The following PRR22 variants were observed in gnomAD, a reference collection of about 807,000 sequenced individuals.
PRR22 encodes proline-rich protein 22.
A neutral mutation model predicts 7.2 loss-of-function variants in PRR22; 5 were observed. The ratio of observed to expected loss-of-function variants is 0.69; its 90% CI spans 0.36 to 1.45. PRR22 has a LOEUF of 1.45. PRR22 is among the 40% of genes most tolerant of loss of function. The pLI, the probability that PRR22 is intolerant of heterozygous loss-of-function variation, is 0.03. For synonymous variants in PRR22, 319 were observed against 269.3 expected (o/e 1.18, Z -1.81); for missense variants, 619 against 568.8 (o/e 1.09, Z -0.90).
At chr19:5,784,156 G>T in intron 2 of PRR22, 103 bp from the exon 3 acceptor site, 3 of 1,231,212 alleles carry the variant, frequency 2.4e-6, no homozygotes, top group Non-Finnish European at 3.6e-6. Flanking sequence ...TTGCCATTGG[G>T]GGGCCCCTTT....
rs1304462191 is a variant in PRR22, at chr19:5,783,581, A to G, written c.666T>C (p.Pro222=). The change falls in exon 3 of 3, where the codon CCT becomes CCC. Residue 222 remains proline, a synonymous_variant. Transcript: ENST00000419421. ...CGGGGAAGGCCAGGGGTTCGGGCCCAGGGAAGTGGCCGAGGTGACCCTGGA... is the reference window on the plus strand; with the variant it reads ...CGGGGAAGGCCAGGGGTTCGGGCCCGGGGAAGTGGCCGAGGTGACCCTGGA... ...SHLQGHLGHF[P]GPEPLAFPVK... is the part of the protein sequence containing the mutation. 1 of 1,603,746 alleles carries G rather than the reference A, an allele frequency of 6.2e-7. No individual in the cohort carries two copies.
Position 5,784,464 on chromosome 19 carries a change from G to T in PRR22, c.131-25C>A, listed in dbSNP as rs763885995. 1.4e-5 allele frequency: 21 copies of T among 1,552,318 alleles called. No individual in the cohort carries two copies. In the African/African-American group the frequency reaches 2.5e-4, roughly 18 times the overall value. On this transcript the variant is annotated intron_variant, in intron 1 of 2. Transcript: ENST00000419421. ...CCTGTGGACAAAGGTGCCCAGGTGG[G>T]TAGGGCCCTTAGGCGGGTGGGCCCC...
Position 5,783,852 on chromosome 19 carries a change from T to TG in PRR22, c.394dup (p.His132ProfsTer19), listed in dbSNP as rs1568383543. 4 of 1,556,930 alleles carry TG rather than the reference T, an allele frequency of 2.6e-6. No homozygotes were observed. The highest frequency in any genetic ancestry group is 2.6e-6 in the Non-Finnish European group (3 of 1,151,120). On this transcript the variant is annotated frameshift_variant, in exon 3 of 3. Transcript: ENST00000419421. LOFTEE classifies it low-confidence loss of function (END_TRUNC). ...GGGCCCCCCGGGTGCCTGCTGGTAG[T>TG]GGGGGTATGGAGGCAGCCCCGGGGC...
chr19:5,784,155 G>C, intron 2 of PRR22, 102 bp from the exon 3 acceptor site: 1 of 1,227,812 alleles, frequency 8.1e-7, no homozygotes, highest in Non-Finnish European at 1.2e-6. Context: ...CTTGCCATTG[G>C]GGGGCCCCTT....
At position 5,783,651 on chromosome 19, in the gene PRR22, G is replaced by A. The variant is rs745978513; in HGVS notation, c.596C>T (p.Thr199Met). 29 of 1,592,744 alleles carry A rather than the reference G, an allele frequency of 1.8e-5. No individual in the cohort carries two copies. Among genetic ancestry groups the A allele is most frequent in the African/African-American group, 1.2e-4 (9 of 73,804 alleles). ...KENKPPPVLI[T>M]LPAEPTLPPD... The stretch of plus-strand genomic sequence containing the variant: ...GGGCAGTGTGGGCTCTGCAGGCAGC[G>A]TGATGAGTACAGGGGGCGGCTTGTT... The change falls in exon 3 of 3, where the codon ACG becomes ATG. Residue 199 changes from threonine (T) to methionine (M), a missense_variant. Transcript: ENST00000419421.
In PRR22 at chr19:5,784,514, C is replaced by T. The variant is rs2056821074; in HGVS notation, c.130+17G>A. 6.5e-7 allele frequency: 1 copy of T among 1,550,138 alleles called. No homozygotes were observed. Among genetic ancestry groups the T allele is most frequent in the Non-Finnish European group, 8.7e-7 (1 of 1,146,696 alleles). On this transcript the variant is annotated intron_variant, in intron 1 of 2. Transcript: ENST00000419421. Reference sequence around the variant, plus strand: ...CTGAACCCTCTCCAGCAGGTGCTCCCACCCACCCGATCGTACCCATAGCGG... The same window carrying T: ...CTGAACCCTCTCCAGCAGGTGCTCCTACCCACCCGATCGTACCCATAGCGG...
chr19:5,783,622 CT>C lies in PRR22; in HGVS notation c.624del (p.Asp209ThrfsTer82), dbSNP rs757048671. ...ITLPAEPTLPPDAYSHLQGHL... is the reference protein window; with the variant it reads ...ITLPAEPTLPXDAYSHLQGHL... ...TGACCCTGGAGGTGGCTGTAGGCGT[CT>C]GGGGGCAGTGTGGGCTCTGCAGGCA... is the stretch of plus-strand genomic sequence containing the variant. On this transcript the variant is annotated frameshift_variant, in exon 3 of 3. Transcript: ENST00000419421. LOFTEE classifies it low-confidence loss of function (END_TRUNC). 3.4e-5 allele frequency: 55 copies of C among 1,596,722 alleles called. No homozygotes were observed. The highest frequency in any genetic ancestry group is 1.1e-5 in the South Asian group (1 of 89,982).
chr19:5,784,230 T>C lies in PRR22; in HGVS notation c.193+147A>G, dbSNP rs1322535198. The C allele has an allele frequency of 2.8e-6, 3 of 1,079,352 alleles. No individual in the cohort carries two copies. In the South Asian group the frequency reaches 3.8e-5, roughly 14 times the overall value. The allele number at this position is 1,079,352 out of a possible 1,614,324, so 66.9% of individuals were successfully genotyped here. A position where few individuals can be genotyped will look rare whatever the true frequency, so the allele number is the denominator to read the frequency against. On this transcript the variant is annotated intron_variant, in intron 2 of 2. Coordinates refer to ENST00000419421, the MANE Select transcript of PRR22 (RefSeq NM_001134316.2). ...GTGATGGATGACACAGAGCTTGTCT[T>C]TGGGGCTCATCTGGGGGACCTGTGT...
Position 5,783,183 on chromosome 19 carries a change from A to T in PRR22, c.1064T>A (p.Phe355Tyr), listed in dbSNP as rs776239985. Residue 355 changes from phenylalanine to tyrosine, a missense_variant, in exon 3 of 3, where the codon TTC (phenylalanine) becomes TAC (tyrosine). By Grantham distance (22) the Phe-to-Tyr change is conservative. Coordinates refer to ENST00000419421, the MANE Select transcript of PRR22 (RefSeq NM_001134316.2). ...ILDTVSNVDYFFNFKALDEEQ... is the reference protein window; with the variant it reads ...ILDTVSNVDYYFNFKALDEEQ... ...CTCGTCGAGCGCCTTGAAGTTGAAG[A>T]AGTAGTCAACGTTGGACACGGTGTC... 2.5e-5 allele frequency: 40 copies of T among 1,612,632 alleles called. No homozygotes were observed. Among genetic ancestry groups the T allele is most frequent in the East Asian group, 2.5e-4 (11 of 44,848 alleles).
chr19:5,782,988 G>A lies in PRR22; in HGVS notation c.1259C>T (p.Thr420Ile). The change falls in exon 3 of 3, where the codon ACC becomes ATC. Residue 420 changes from threonine (T) to isoleucine (I), a missense_variant. Transcript: ENST00000419421. ...AAGGTCAAATGTGCTTTAATGCGGG[G>A]TGGCTCCCAGGTCCTCCCTGGGCCC... is the stretch of plus-strand genomic sequence containing the variant. ...PPGPREDLGA[T>I]PH 1 of 1,522,482 alleles carries A rather than the reference G, an allele frequency of 6.6e-7. No homozygotes were observed. Among genetic ancestry groups the A allele is most frequent in the Non-Finnish European group, 8.8e-7 (1 of 1,139,392 alleles). 94.3% of individuals were successfully genotyped at this position (1,522,482 alleles called of 1,614,324 possible). A position where few individuals can be genotyped will look rare whatever the true frequency, so the allele number is the denominator to read the frequency against.
In PRR22 at chr19:5,783,753, G is replaced by T. The variant is rs1311479669; in HGVS notation, c.494C>A (p.Pro165His). The T allele has an allele frequency of 1.3e-6, 2 of 1,488,260 alleles. No homozygotes were observed. The highest frequency in any genetic ancestry group is 2.7e-5 in the South Asian group (2 of 72,884). 92.2% of individuals were successfully genotyped at this position (1,488,260 alleles called of 1,614,324 possible). A position where few individuals can be genotyped will look rare whatever the true frequency, so the allele number is the denominator to read the frequency against. ...EALGFVGDAG[P>H]AAFVELPLPP... ...TAGGGGCAGCTCCACGAAGGCGGCG[G>T]GCCCTGCGTCCCCCACAAAACCCAG... Residue 165 changes from proline to histidine, a missense_variant, in exon 3 of 3, where the codon CCC (proline) becomes CAC (histidine). Physicochemically the swap from Pro to His is moderately conservative, Grantham distance 77. Coordinates refer to ENST00000419421, the MANE Select transcript of PRR22 (RefSeq NM_001134316.2).
Position 5,784,453 on chromosome 19 carries a change from T to C in PRR22, c.131-14A>G. The C allele has an allele frequency of 1.3e-6, 2 of 1,554,022 alleles. No homozygotes were observed. Among genetic ancestry groups the C allele is most frequent in the Non-Finnish European group, 1.7e-6 (2 of 1,148,380 alleles). On this transcript the variant is annotated splice_polypyrimidine_tract_variant and intron_variant, in intron 1 of 2. Coordinates refer to ENST00000419421, the MANE Select transcript of PRR22 (RefSeq NM_001134316.2). ...GGTTCAAGGAGCCTGTGGACAAAGGTGCCCAGGTGGGTAGGGCCCTTAGGC... is the reference window on the plus strand; with the variant it reads ...GGTTCAAGGAGCCTGTGGACAAAGGCGCCCAGGTGGGTAGGGCCCTTAGGC...
At position 5,783,451 on chromosome 19, in the gene PRR22, C is replaced by T. The variant is rs754898595; in HGVS notation, c.796G>A (p.Ala266Thr). The T allele has an allele frequency of 1.2e-6, 2 of 1,610,162 alleles. No individual in the cohort carries two copies. The highest frequency in any genetic ancestry group is 1.7e-5 in the Admixed American group (1 of 59,684). The change falls in exon 3 of 3, where the codon GCA (alanine) becomes ACA (threonine). Residue 266 changes from alanine to threonine, a missense_variant. Coordinates refer to ENST00000419421, the MANE Select transcript of PRR22 (RefSeq NM_001134316.2). The stretch of plus-strand genomic sequence containing the variant: ...GTCTTGGGGGCCTTGGCCTTGCCTG[C>T]TCCCAGCAGGGCCCCCTCCTTGACC... Reference protein sequence around the residue: ...AEVKEGALLGAGKAKAPKTAR... With the variant: ...AEVKEGALLGTGKAKAPKTAR...
chr19:5,784,528 T>C lies in PRR22; in HGVS notation c.130+3A>G. 6 of 1,550,150 alleles carry C rather than the reference T, an allele frequency of 3.9e-6. No homozygotes were observed. In the South Asian group the frequency reaches 7.1e-5, roughly 18 times the overall value. ...GCAGGTGCTCCCACCCACCCGATCG[T>C]ACCCATAGCGGGAGGAGGCTCGGCA... is the stretch of plus-strand genomic sequence containing the variant. On this transcript the variant is annotated splice_donor_region_variant and intron_variant, in intron 1 of 2. Transcript: ENST00000419421.
rs766042019 is a variant in PRR22, at chr19:5,783,683, G to C, written c.564C>G (p.Pro188=). Residue 188 remains proline (P), a synonymous_variant, in exon 3 of 3, where the codon CCC becomes CCG. Transcript: ENST00000419421. ...EGPAPLPPPP[P]KENKPPPVLI... is the part of the protein sequence containing the mutation. ...GTACAGGGGGCGGCTTGTTCTCCTT[G>C]GGGGGTGGGGGTGGCAGCGGGGCCG... 1 of 1,509,420 alleles carries C rather than the reference G, an allele frequency of 6.6e-7. No homozygotes were observed. The highest frequency in any genetic ancestry group is 8.9e-7 in the Non-Finnish European group (1 of 1,129,522). The allele number at this position is 1,509,420 out of a possible 1,614,324, so 93.5% of individuals were successfully genotyped here. A position where few individuals can be genotyped will look rare whatever the true frequency, so the allele number is the denominator to read the frequency against.
chr19:5,783,392 C>CA lies in PRR22; in HGVS notation c.854dup (p.Leu286AlafsTer16). 6.2e-7 allele frequency: 1 copy of CA among 1,612,640 alleles called. No homozygotes were observed. Among genetic ancestry groups the CA allele is most frequent in the Non-Finnish European group, 8.5e-7 (1 of 1,179,942 alleles). On this transcript the variant is annotated frameshift_variant, in exon 3 of 3. Coordinates refer to ENST00000419421, the MANE Select transcript of PRR22 (RefSeq NM_001134316.2). LOFTEE classifies it low-confidence loss of function (END_TRUNC). ...CGAAGAGCTTCATGGCGTCCTCCAG[C>CA]AGAACCTTGTCAGGCAGTGCCAAAG...
chr19:5,784,238 C>T lies in PRR22; in HGVS notation c.193+139G>A, dbSNP rs776534729. ...TGACACAGAGCTTGTCTTTGGGGCTCATCTGGGGGACCTGTGTGAAGCATG... is the reference window on the plus strand; with the variant it reads ...TGACACAGAGCTTGTCTTTGGGGCTTATCTGGGGGACCTGTGTGAAGCATG... On this transcript the variant is annotated intron_variant, in intron 2 of 2. Transcript: ENST00000419421. The T allele has an allele frequency of 7.6e-5, 83 of 1,093,180 alleles. 1 individual carries two copies. In the South Asian group the frequency reaches 8.6e-4, roughly 11 times the overall value. 67.7% of individuals were successfully genotyped at this position (1,093,180 alleles called of 1,614,324 possible). A position where few individuals can be genotyped will look rare whatever the true frequency, so the allele number is the denominator to read the frequency against.
chr19:5,784,523 G>A lies in PRR22; in HGVS notation c.130+8C>T, dbSNP rs1433663777. The A allele has an allele frequency of 5.8e-6, 9 of 1,550,192 alleles. No homozygotes were observed. The highest frequency in any genetic ancestry group is 2.7e-5 in the African/African-American group (2 of 73,186). ...CTCCAGCAGGTGCTCCCACCCACCC[G>A]ATCGTACCCATAGCGGGAGGAGGCT... is the stretch of plus-strand genomic sequence containing the variant. On this transcript the variant is annotated splice_region_variant and intron_variant, in intron 1 of 2. Transcript: ENST00000419421.
In PRR22 at chr19:5,784,028, G is replaced by A; in HGVS notation, c.219C>T (p.Cys73=). Residue 73 remains cysteine, a synonymous_variant, in exon 3 of 3, where the codon TGC becomes TGT. Transcript: ENST00000419421. ...TCCGATAGATGCGGGGGTCGAAGAA[G>A]CACCCGCATGGGGCCATCTGGAAAC... ...PAGFQMAPCG[C]FFDPRIYRIE... is the part of the protein sequence containing the mutation. 1.2e-6 allele frequency: 2 copies of A among 1,611,028 alleles called. No homozygotes were observed. The highest frequency in any genetic ancestry group is 8.5e-7 in the Non-Finnish European group (1 of 1,179,034).
Sources: allele counts gnomAD v4.1 joint callset, GRCh38; gene constraint gnomAD v4.1.1; transcripts MANE v1.5; gene names NCBI Gene and HGNC (gene_info 2026-07-23, HGNC 2026-07-21).